The following DENND6B variants were observed in gnomAD, a reference collection of about 807,000 sequenced individuals.
The protein encoded by DENND6B is DENN domain containing 6B, also known as protein DENND6B.
A neutral mutation model predicts 85.1 loss-of-function variants in DENND6B; 73 were observed. The ratio of observed to expected loss-of-function variants is 0.86; its 90% CI spans 0.71 to 1.04. DENND6B has a LOEUF of 1.04. DENND6B is among the 50% of genes least tolerant of loss of function. DENND6B has a pLI of 0.00. For missense variants in DENND6B, 715 were observed against 785.8 expected (o/e 0.91, Z 1.08); for synonymous variants, 357 against 329.3 (o/e 1.08, Z -0.91).
At chr22:50,317,267 C>T (rs1430406043) in intron 5 of DENND6B, 26 bp downstream of exon 5, 1 of 1,611,454 alleles carries the variant, frequency 6.2e-7, no homozygotes. Context: ...CTTGAGGTGC[C>T]AGCCCAGAGT....
Position 50,317,995 on chromosome 22 carries a change from G to A in DENND6B, c.285C>T (p.Ser95=). ...GCCCTCCACACTGGCGCATGCGGAA[G>A]CTGAACTGAGTGTCTCCAAGGCAGC... ...HSGCLGDTQF[S]FRMRQCGGQR... Residue 95 remains serine, a synonymous_variant, in exon 4 of 20, where the codon AGC becomes AGT. Transcript: ENST00000413817. 1.9e-6 allele frequency: 3 copies of A among 1,612,518 alleles called. No individual in the cohort carries two copies. The highest frequency in any genetic ancestry group is 2.5e-6 in the Non-Finnish European group (3 of 1,179,682).
At chr22:50,316,798 C>T (rs991513466) in intron 5 of DENND6B, 1 of 1,252,976 alleles carries the variant, frequency 8.0e-7, no homozygotes, top group Non-Finnish European at 1.0e-6. Flanking sequence ...CTATGGCTTC[C>T]AGGCTGGGTT....
At position 50,326,980 on chromosome 22, in the gene DENND6B, C is replaced by T. The variant is rs1255778836; in HGVS notation, c.9G>A (p.Ala3=). Residue 3 remains alanine, a synonymous_variant, in exon 1 of 20, where the codon GCG becomes GCA. Coordinates refer to ENST00000413817, the MANE Select transcript of DENND6B (RefSeq NM_001001794.4). MD[A]LLGTGPRRAR... Reference sequence around the variant, plus strand: ...CCCGGCGAGGCCCTGTGCCCAACAGCGCGTCCATGGCGGCGGCCGCGGGTT... The same window carrying T: ...CCCGGCGAGGCCCTGTGCCCAACAGTGCGTCCATGGCGGCGGCCGCGGGTT... 5.8e-6 allele frequency: 7 copies of T among 1,203,634 alleles called. No individual in the cohort carries two copies. Among genetic ancestry groups the T allele is most frequent in the South Asian group, 4.1e-5 (1 of 24,364 alleles). The allele number at this position is 1,203,634 out of a possible 1,614,324, so 74.6% of individuals were successfully genotyped here.
intron 1 of DENND6B, among the ~76,000 whole-genome samples, chr22:50,325,366 C>T (rs1273188466): frequency 7.9e-6 from 1 of 126,160 alleles, no homozygotes; most frequent in Non-Finnish European, 1.6e-5. Context: ...GAGATGGAGT[C>T]TCACTTTGTC....
In DENND6B at chr22:50,311,924, G is replaced by T; in HGVS notation, c.*215C>A. On this transcript the variant is annotated 3_prime_UTR_variant, in exon 20 of 20. Transcript: ENST00000413817. ...CCAGGTGGGACCCAGGAGGAGGCAA[G>T]GCTCTGCCTGCGAGGAACCCCTATG... 1.3e-6 allele frequency: 1 copy of T among 799,734 alleles called. No homozygotes were observed. Among genetic ancestry groups the T allele is most frequent in the Non-Finnish European group, 1.9e-6 (1 of 525,640 alleles). 49.5% of individuals were successfully genotyped at this position (799,734 alleles called of 1,614,324 possible).
chr22:50,317,185 G>T, intron 5 of DENND6B, 108 bp downstream of exon 5: 1 of 1,194,296 alleles, frequency 8.4e-7, no homozygotes, highest in Non-Finnish European at 1.2e-6. Flanking sequence ...TGCAGGAGGG[G>T]TGGGCACTGC....
At chr22:50,316,280 A>T (rs771289782) in intron 6 of DENND6B, 27 bp from the exon 7 acceptor site, 34 of 1,576,980 alleles carry the variant, frequency 2.2e-5, no homozygotes, top group Non-Finnish European at 2.8e-5. Context: ...CCGCATCAGG[A>T]CCCTCCCCAA....
chr22:50,324,826 CT>C (rs1317756532), intron 1 of DENND6B, among the ~76,000 whole-genome samples: 3 of 152,222 alleles, frequency 2.0e-5, no homozygotes, highest in Admixed American at 6.5e-5. Flanking sequence ...ACCCCCTCCC[CT>C]GTCTCTTCTC....
rs2068053882 is a variant in DENND6B, at chr22:50,311,083, C to T, written c.*1056G>A. 6.6e-6 allele frequency: 1 copy of T among 152,310 alleles called. No individual in the cohort carries two copies. The highest frequency in any genetic ancestry group is 2.1e-4 in the South Asian group (1 of 4,838). 9.4% of individuals were successfully genotyped at this position (152,310 alleles called of 1,614,324 possible). A position where few individuals can be genotyped will look rare whatever the true frequency, so the allele number is the denominator to read the frequency against. Reference sequence around the variant, plus strand: ...GTCGGGCATCTGCATGGCTGGCTCGCTCAGATGAGGAGTCTGAGGGTCTGA... The same window carrying T: ...GTCGGGCATCTGCATGGCTGGCTCGTTCAGATGAGGAGTCTGAGGGTCTGA... On this transcript the variant is annotated 3_prime_UTR_variant, in exon 20 of 20. Transcript: ENST00000413817.
chr22:50,313,255 G>C, intron 16 of DENND6B, 147 bp from the exon 17 acceptor site: 1 of 1,151,834 alleles, frequency 8.7e-7, no homozygotes, highest in Non-Finnish European at 1.2e-6. Context: ...CTTTCCCAGG[G>C]AGCAGGCCCT....
intron 1 of DENND6B, among the ~76,000 whole-genome samples, chr22:50,324,451 T>G (rs898987912): frequency 6.6e-6 from 1 of 152,020 alleles, no homozygotes; most frequent in Non-Finnish European, 1.5e-5. Context: ...TGAGACAGAG[T>G]TTCACTCTTG....
chr22:50,323,721 CTTT>C (rs146060526), intron 1 of DENND6B, among the ~76,000 whole-genome samples: 35,186 of 104,954 alleles, frequency 0.34, 4,777 homozygotes, highest in South Asian at 0.58. Flanking sequence ...CACGCCTAGC[CTTT>C]TTTTTTTTTT....
chr22:50,318,584 C>T (rs1406463043), intron 3 of DENND6B, among the ~76,000 whole-genome samples: 4 of 152,178 alleles, frequency 2.6e-5, no homozygotes, highest in Non-Finnish European at 5.9e-5. Context: ...CAGCCCCTGG[C>T]GGCCACTGTG....
intron 3 of DENND6B, 138 bp from the exon 4 acceptor site, chr22:50,318,158 C>T (rs897514269): frequency 1.3e-6 from 1 of 790,408 alleles, no homozygotes; most frequent in East Asian, 2.8e-5. Context: ...GCCTGGCTAA[C>T]ACAGTGAAAC....
At chr22:50,323,020 C>CTTTTTTT (rs386395718) in intron 1 of DENND6B, among the ~76,000 whole-genome samples, 3 of 39,030 alleles carry the variant, frequency 7.7e-5, no homozygotes, top group African/African-American at 1.3e-4. Context: ...CCGGCTAATG[C>CTTTTTTT]TTTTTTTTTT....
chr22:50,313,353 A>T (rs962015151), intron 16 of DENND6B, 93 bp downstream of exon 16: 10 of 1,459,394 alleles, frequency 6.9e-6, no homozygotes, highest in Non-Finnish European at 9.1e-6. Context: ...GCTCCTGCCC[A>T]GCCACAGCCT....
At chr22:50,317,811 C>T (rs1374676847) in intron 4 of DENND6B, 97 bp downstream of exon 4, 2 of 1,261,912 alleles carry the variant, frequency 1.6e-6, no homozygotes, top group African/African-American at 3.0e-5. Flanking sequence ...CACACAGGGC[C>T]CAGGCACTCT....
At chr22:50,319,308 C>G (rs2041966117) in intron 1 of DENND6B, 1 of 985,282 alleles carries the variant, frequency 1.0e-6, no homozygotes, top group Admixed American at 6.1e-5. Context: ...AGGCCCCGGG[C>G]AACTCCCCTG....
Position 50,310,678 on chromosome 22 carries a change from C to T in DENND6B, c.*1461G>A, listed in dbSNP as rs1355772640. 2 of 152,258 alleles carry T rather than the reference C, an allele frequency of 1.3e-5. No individual in the cohort carries two copies. Among genetic ancestry groups the T allele is most frequent in the Non-Finnish European group, 2.9e-5 (2 of 68,102 alleles). The allele number at this position is 152,258 out of a possible 1,614,324, so 9.4% of individuals were successfully genotyped here. ...GAAAAGTCCCGGCCGGGCGCGGTGG[C>T]TCATGCCTGTAATCCTAGCACGTTG... On this transcript the variant is annotated 3_prime_UTR_variant, in exon 20 of 20. Transcript: ENST00000413817.
Sources: allele counts gnomAD v4.1 joint callset (sites outside exome capture counted in the v4.1 genomes callset), GRCh38; gene constraint gnomAD v4.1.1; transcripts MANE v1.5; gene names NCBI Gene and HGNC (gene_info 2026-07-23, HGNC 2026-07-21).